The following SORD variants were observed in gnomAD, a reference collection of about 807,000 sequenced individuals.
The protein encoded by SORD is (R,R)-butanediol dehydrogenase.
SORD carries 18 observed loss-of-function variants against 35.6 expected under a neutral mutation model. The ratio of observed to expected loss-of-function variants is 0.51; its 90% CI spans 0.35 to 0.75. The LOEUF is 0.75. Ranked by LOEUF, SORD falls within the 30% of genes least tolerant of loss-of-function variation. SORD has a pLI of 0.01. For synonymous variants in SORD, 106 were observed against 152.9 expected, an observed-to-expected ratio of 0.69 and a Z score of 2.26; for missense variants, 250 against 390.2, an observed-to-expected ratio of 0.64 and a Z score of 3.03.
intron 1 of SORD, among the ~76,000 whole-genome samples, chr15:45,024,595 C>T (rs1892641386): frequency 6.6e-6 from 1 of 152,070 alleles, no homozygotes; most frequent in Non-Finnish European, 1.5e-5. Flanking sequence ...ACCCAAGGTC[C>T]TGAATTAAAG....
At position 45,065,493 on chromosome 15, in the gene SORD, C is replaced by T. The variant is rs113513423; in HGVS notation, c.544+104C>T. 1.1e-3 allele frequency: 1,642 copies of T among 1,493,454 alleles called. 15 individuals carry two copies. The Admixed American group carries it at 0.011, about 10-fold the overall frequency. The allele number at this position is 1,493,454 out of a possible 1,614,324, so 92.5% of individuals were successfully genotyped here. On this transcript the variant is annotated intron_variant, in intron 5 of 8. Transcript: ENST00000267814. ...CAAGGCTTGAGATTTGTTCTAGAATCCTTCTGGGTAAGGGAGGATTGCAGT... is the reference window on the plus strand; with the variant it reads ...CAAGGCTTGAGATTTGTTCTAGAATTCTTCTGGGTAAGGGAGGATTGCAGT...
At chr15:45,058,393 C>A (rs1460868312) in intron 3 of SORD, among the ~76,000 whole-genome samples, 1 of 152,160 alleles carries the variant, frequency 6.6e-6, no homozygotes, top group Non-Finnish European at 1.5e-5. Context: ...TCCAGCAAGC[C>A]TGTCCTCTGA....
At chr15:45,062,139 C>G (rs1245362297) in intron 4 of SORD, among the ~76,000 whole-genome samples, 1 of 152,138 alleles carries the variant, frequency 6.6e-6, no homozygotes, top group Non-Finnish European at 1.5e-5. Flanking sequence ...GGTTTGCATG[C>G]TTCAATTTAT....
At chr15:45,024,045 G>T (rs1210889376) in intron 1 of SORD, among the ~76,000 whole-genome samples, 3 of 152,112 alleles carry the variant, frequency 2.0e-5, no homozygotes, top group Non-Finnish European at 4.4e-5. Context: ...CCGTGCCTCT[G>T]TCCCTTTAGG....
At chr15:45,068,071 G>T (rs1334156587) in intron 5 of SORD, 110 bp from the exon 6 acceptor site, 14 of 814,868 alleles carry the variant, frequency 1.7e-5, no homozygotes, top group Non-Finnish European at 3.0e-5. Flanking sequence ...CAGGCACTGG[G>T]ATAGATGCTA....
intron 3 of SORD, among the ~76,000 whole-genome samples, chr15:45,056,904 C>T (rs891124650): frequency 6.6e-6 from 1 of 152,160 alleles, no homozygotes; most frequent in African/African-American, 2.4e-5. Flanking sequence ...GTTTGGAGCA[C>T]TTACAAGGCT....
chr15:45,039,449 T>G (rs1289464193), intron 1 of SORD, among the ~76,000 whole-genome samples: 1 of 152,190 alleles, frequency 6.6e-6, no homozygotes, highest in Non-Finnish European at 1.5e-5. Context: ...CTTGATTACC[T>G]TCAAAGAATA....
Position 45,068,978 on chromosome 15 carries a change from G to A in SORD, c.712G>A (p.Gly238Ser). Residue 238 changes from glycine to serine, a missense_variant, in exon 7 of 9, where the codon GGT becomes AGT. Gly to Ser is a moderately conservative substitution (Grantham distance 56). Around this residue, in one of 8 missense-constraint regions of SORD, gnomAD observed 44 missense variants for 54.5 expected, o/e 0.81. Transcript: ENST00000267814. ...SPQEIARKVE[G>S]QLGCKPEVTI... is the part of the protein sequence containing the mutation. ...TCAGGAAATCGCCAGGAAAGTAGAA[G>A]GTCAGCTGGGGTGCAAGCCGGAAGT... The A allele has an allele frequency of 6.2e-7, 1 of 1,609,072 alleles. No homozygotes were observed. The highest frequency in any genetic ancestry group is 8.5e-7 in the Non-Finnish European group (1 of 1,178,548).
chr15:45,023,404 GC>G, intron 1 of SORD, 55 bp downstream of exon 1: 1 of 1,414,616 alleles, frequency 7.1e-7, no homozygotes, highest in Non-Finnish European at 9.4e-7. Flanking sequence ...TCTCCTCTGA[GC>G]CCAGCCATAG....
In SORD at chr15:45,074,150, G is replaced by A. The variant is rs1225146173; in HGVS notation, c.*620G>A. ...AAACAAAAAAGGAAATGTCATGTGA[G>A]GTTAAACCAGTTTGCATTCCCCTAA... On this transcript the variant is annotated 3_prime_UTR_variant, in exon 9 of 9. Transcript: ENST00000267814. 5 of 139,074 alleles carry A rather than the reference G, an allele frequency of 3.6e-5. No individual in the cohort carries two copies. The highest frequency in any genetic ancestry group is 3.6e-4 in the Admixed American group (5 of 14,036). The allele number at this position is 139,074 out of a possible 1,614,324, so 8.6% of individuals were successfully genotyped here.
intron 7 of SORD, among the ~76,000 whole-genome samples, chr15:45,071,727 G>A (rs1323838917): frequency 1.4e-5 from 2 of 145,272 alleles, no homozygotes; most frequent in Admixed American, 1.4e-4. Context: ...TCCAAGTGGG[G>A]AACTGATAAG....
intron 2 of SORD, among the ~76,000 whole-genome samples, chr15:45,041,525 C>G (rs1892965895): frequency 6.6e-6 from 1 of 152,134 alleles, no homozygotes; most frequent in African/African-American, 2.4e-5. Flanking sequence ...AGCTTTGCTA[C>G]TGAAAGGTCA....
intron 1 of SORD, among the ~76,000 whole-genome samples, chr15:45,033,162 A>AT (rs1480956268): frequency 2.7e-5 from 4 of 148,338 alleles, no homozygotes; most frequent in African/African-American, 7.3e-5. Flanking sequence ...GATTTTCTTA[A>AT]TGTTGATATG....
chr15:45,054,793 T>C (rs1423174240), intron 3 of SORD, among the ~76,000 whole-genome samples: 3 of 151,276 alleles, frequency 2.0e-5, no homozygotes, highest in Non-Finnish European at 3.0e-5. Context: ...AACGTTTAAG[T>C]CTTTAATCCA....
chr15:45,030,575 C>T (rs1446409871), intron 1 of SORD, among the ~76,000 whole-genome samples: 1 of 152,238 alleles, frequency 6.6e-6, no homozygotes, highest in African/African-American at 2.4e-5. Flanking sequence ...ACAGTGAGCA[C>T]TTATCAAGAT....
chr15:45,073,241 A>C, intron 8 of SORD, 124 bp from the exon 9 acceptor site: 1 of 504,984 alleles, frequency 2.0e-6, no homozygotes, highest in East Asian at 3.4e-5. Context: ...TGGCCTGTAA[A>C]ATTGGCTTTG....
chr15:45,065,301 C>T lies in SORD; in HGVS notation c.456C>T (p.Gly152=), dbSNP rs142040020. The change falls in exon 5 of 9, where the codon GGC becomes GGT. Residue 152 remains glycine (G), a synonymous_variant. Transcript: ENST00000267814. ...KLPDNVTFEE[G]ALIEPLSVGI... ...CTGACAATGTCACCTTTGAGGAAGG[C>T]GCCCTGATCGAGCCACTTTCTGTGG... The T allele has an allele frequency of 1.6e-4, 257 of 1,613,956 alleles. No homozygotes were observed. The East Asian group carries it at 4.2e-3, about 27-fold the overall frequency.
chr15:45,048,663 A>G (rs766335067), intron 3 of SORD, among the ~76,000 whole-genome samples: 2 of 152,230 alleles, frequency 1.3e-5, no homozygotes, highest in Non-Finnish European at 2.9e-5. Flanking sequence ...CTCACTGTCT[A>G]AGGTGTTATC....
chr15:45,031,240 C>T (rs113642743), intron 1 of SORD, among the ~76,000 whole-genome samples: 11,149 of 150,840 alleles, frequency 0.074, 5 homozygotes, highest in East Asian at 0.31. Context: ...ATCGTTTGAG[C>T]CCAGGAGTTC....
Sources: gnomAD v4.1 joint callset for allele counts (sites outside exome capture counted in the v4.1 genomes callset) on GRCh38, gnomAD v4.1.1 for gene constraint, gnomAD v4.1.1 regional missense constraint, MANE v1.5 for transcripts, NCBI Gene and HGNC (gene_info 2026-07-23, HGNC 2026-07-21) for gene names.